SYNPR: variants seen among roughly 807,000 people sequenced by gnomAD.
The protein encoded by SYNPR is synaptoporin.
SYNPR carries 23 observed loss-of-function variants against 32.9 expected under a neutral mutation model. The observed-to-expected ratio is 0.70, with a 90% CI of 0.50 to 0.99. The LOEUF (loss-of-function observed/expected upper bound fraction) is 0.99, where lower values mean the gene tolerates loss of function less well. Ranked by LOEUF, SYNPR falls within the 50% of genes least tolerant of loss-of-function variation. The pLI is 0.00. For synonymous variants in SYNPR, 146 were observed against 135.9 expected (o/e 1.07, Z -0.52); for missense variants, 318 against 349.3 (o/e 0.91, Z 0.71).
At chr3:63,220,412 C>G in the SYNPR span, among the ~76,000 whole-genome samples, 1 of 152,060 alleles carries the variant, frequency 6.6e-6, no homozygotes, top group African/African-American at 2.4e-5. Flanking sequence ...TGGGGCTGTC[C>G]TTGAAGTCTT....
At chr3:63,588,179 T>C (rs1703225605) in intron 4 of SYNPR, among the ~76,000 whole-genome samples, 1 of 152,122 alleles carries the variant, frequency 6.6e-6, no homozygotes, top group Admixed American at 6.6e-5. Context: ...TATATGAATT[T>C]CAATACATAC....
intron 2 of SYNPR, among the ~76,000 whole-genome samples, chr3:63,282,161 A>G (rs1471715960): frequency 6.6e-6 from 1 of 152,222 alleles, no homozygotes; most frequent in African/African-American, 2.4e-5. Flanking sequence ...TTTTTTCATT[A>G]GTTGAAGTGA....
At chr3:63,337,304 A>G (rs2087307668) in intron 2 of SYNPR, among the ~76,000 whole-genome samples, 1 of 152,008 alleles carries the variant, frequency 6.6e-6, no homozygotes, top group Non-Finnish European at 1.5e-5. Context: ...TAAAACAACA[A>G]TAAGAACTAC....
intron 1 of SYNPR, among the ~76,000 whole-genome samples, chr3:63,247,850 GA>G (rs747825648): frequency 2.0e-5 from 3 of 152,164 alleles, no homozygotes; most frequent in Non-Finnish European, 4.4e-5. Flanking sequence ...AGCAGCTGCA[GA>G]GAAAGGAGTC....
intron 2 of SYNPR, among the ~76,000 whole-genome samples, chr3:63,440,120 T>C (rs1426322570): frequency 2.6e-5 from 4 of 152,174 alleles, no homozygotes; most frequent in Non-Finnish European, 5.9e-5. Context: ...AAGATGTTTT[T>C]AGGTTAGGTG....
At chr3:63,440,397 A>G (rs951507365) in intron 2 of SYNPR, among the ~76,000 whole-genome samples, 1 of 152,208 alleles carries the variant, frequency 6.6e-6, no homozygotes, top group Non-Finnish European at 1.5e-5. Flanking sequence ...AACTTACTGG[A>G]CAACTATTGA....
At chr3:63,316,769 C>T (rs1025989384) in intron 2 of SYNPR, among the ~76,000 whole-genome samples, 3 of 151,716 alleles carry the variant, frequency 2.0e-5, no homozygotes, top group Non-Finnish European at 4.4e-5. Flanking sequence ...CTTTATTCTG[C>T]TGGGTTAGGG....
chr3:63,513,435 T>A (rs1357210531), intron 3 of SYNPR, among the ~76,000 whole-genome samples: 1 of 152,094 alleles, frequency 6.6e-6, no homozygotes, highest in Non-Finnish European at 1.5e-5. Flanking sequence ...TATTTACATA[T>A]CAATTCACGT....
chr3:63,613,023 G>A (rs762192606), intron 5 of SYNPR, among the ~76,000 whole-genome samples: 1 of 150,790 alleles, frequency 6.6e-6, no homozygotes, highest in Admixed American at 6.6e-5. Flanking sequence ...CCAGGTGGGA[G>A]GTGCAGTGGT....
intron 1 of SYNPR, among the ~76,000 whole-genome samples, chr3:63,244,433 A>G (rs1291937455): frequency 6.6e-6 from 1 of 151,984 alleles, no homozygotes; most frequent in East Asian, 1.9e-4. Flanking sequence ...AGTGATGACA[A>G]CTCACTGCAA....
chr3:63,301,269 A>C (rs1007702348), intron 2 of SYNPR, among the ~76,000 whole-genome samples: 1 of 152,156 alleles, frequency 6.6e-6, no homozygotes, highest in Non-Finnish European at 1.5e-5. Flanking sequence ...TGTTAGGTAT[A>C]AAATGCGTTC....
intron 2 of SYNPR, among the ~76,000 whole-genome samples, chr3:63,439,177 A>G (rs1389544618): frequency 6.6e-6 from 1 of 152,232 alleles, no homozygotes; most frequent in Non-Finnish European, 1.5e-5. Context: ...CCATTGCTCA[A>G]CTGAAAGATC....
At chr3:63,296,603 G>A (rs925421585) in intron 2 of SYNPR, among the ~76,000 whole-genome samples, 1 of 152,124 alleles carries the variant, frequency 6.6e-6, no homozygotes, top group Admixed American at 6.6e-5. Context: ...AAAAACATTG[G>A]GAGTACATCT....
chr3:63,470,922 C>T (rs1700783110), intron 2 of SYNPR, among the ~76,000 whole-genome samples: 1 of 152,138 alleles, frequency 6.6e-6, no homozygotes, highest in South Asian at 2.1e-4. Flanking sequence ...GTTTAAGGCC[C>T]CGTAGGTCAG....
intron 3 of SYNPR, among the ~76,000 whole-genome samples, chr3:63,517,376 G>A (rs534348161): frequency 6.6e-6 from 1 of 152,180 alleles, no homozygotes; most frequent in Admixed American, 6.5e-5. Context: ...TGATCTCAGT[G>A]GATGATCATG....
rs951212153 is a variant in SYNPR, at chr3:63,461,673, A to C, written c.85-19159A>C. ...TACTTCAATGTATGGATGCAGTTCA[A>C]GATAAGAAGGGTGTCTCTGGATTTG... On this transcript the variant is annotated intron_variant, in intron 2 of 5. Transcript: ENST00000478300. Among the ~76,000 whole-genome samples, 5 of 151,982 alleles carry C rather than the reference A, an allele frequency of 3.3e-5. No homozygotes were observed. The South Asian group carries it at 1.0e-3, about 32-fold the overall frequency.
At chr3:63,205,823 C>T in the SYNPR span, among the ~76,000 whole-genome samples, 34 of 152,196 alleles carry the variant, frequency 2.2e-4, 1 homozygote, top group Admixed American at 2.6e-4. Context: ...AGAAAATACC[C>T]TCATCTGAAA....
At chr3:63,261,872 T>A (rs1335188889) in intron 2 of SYNPR, among the ~76,000 whole-genome samples, 1 of 151,274 alleles carries the variant, frequency 6.6e-6, no homozygotes, top group Non-Finnish European at 1.5e-5. Flanking sequence ...CACCGGGGAC[T>A]GTCGTGGGGT....
intron 2 of SYNPR, among the ~76,000 whole-genome samples, chr3:63,288,087 AAT>A (rs972168476): frequency 1.3e-5 from 2 of 152,324 alleles, no homozygotes; most frequent in African/African-American, 4.8e-5. Context: ...TAACAGAAAG[AAT>A]ATGATTGGTT....
Sources: gnomAD v4.1 joint callset for allele counts (sites outside exome capture counted in the v4.1 genomes callset) on GRCh38, gnomAD v4.1.1 for gene constraint, MANE v1.5 for transcripts, NCBI Gene and HGNC (gene_info 2026-07-23, HGNC 2026-07-21) for gene names.